The following WWOX variants were observed in gnomAD, a reference collection of about 807,000 sequenced individuals.
The protein encoded by WWOX is WW domain-containing oxidoreductase.
A neutral mutation model predicts 46.2 loss-of-function variants in WWOX; 69 were observed. The ratio of observed to expected loss-of-function variants is 1.49; its 90% CI spans 1.23 to 1.82. WWOX has a LOEUF of 1.82. Ranked by LOEUF, WWOX falls within the 40% of genes most tolerant of loss-of-function variation. WWOX has a pLI of 0.00. For missense variants in WWOX, 919 were observed against 542.6 expected (o/e 1.69, Z -6.89); for synonymous variants, 359 against 202.6 (o/e 1.77, Z -6.56).
intron 8 of WWOX, among the ~76,000 whole-genome samples, chr16:78,913,539 A>C (rs2045166761): frequency 6.6e-6 from 1 of 152,084 alleles, no homozygotes; most frequent in Non-Finnish European, 1.5e-5. Context: ...TTCACCACCC[A>C]GAGCAAAGTC....
chr16:78,753,995 G>A (rs547104255), intron 8 of WWOX, among the ~76,000 whole-genome samples: 2 of 151,212 alleles, frequency 1.3e-5, no homozygotes, highest in South Asian at 2.1e-4. Flanking sequence ...AAAGAGATAT[G>A]CCAAAGAGAA....
intron 8 of WWOX, among the ~76,000 whole-genome samples, chr16:78,602,743 G>T (rs189965416): frequency 5.0e-4 from 76 of 152,198 alleles, no homozygotes; most frequent in Non-Finnish European, 9.1e-4. Context: ...ACTGTATGCT[G>T]GGCACTGCAC....
chr16:78,736,986 A>G (rs16948400), intron 8 of WWOX, among the ~76,000 whole-genome samples: 22,888 of 152,112 alleles, frequency 0.15, 2,095 homozygotes, highest in African/African-American at 0.25. Flanking sequence ...AGATTCCAAT[A>G]AAGAGACTAG....
At chr16:78,849,045 T>TG (rs1437862968) in intron 8 of WWOX, among the ~76,000 whole-genome samples, 1 of 152,174 alleles carries the variant, frequency 6.6e-6, no homozygotes, top group East Asian at 1.9e-4. Context: ...CAGACTGCCA[T>TG]GGGCATGATC....
At chr16:78,817,152 T>A (rs1271534411) in intron 8 of WWOX, among the ~76,000 whole-genome samples, 1 of 145,308 alleles carries the variant, frequency 6.9e-6, no homozygotes, top group East Asian at 2.0e-4. Flanking sequence ...TGCCAGTTTT[T>A]CTTAAACATT....
At chr16:78,896,727 G>A (rs2151235638) in intron 8 of WWOX, 1 of 150,768 alleles carries the variant, frequency 6.6e-6, no homozygotes, top group East Asian at 1.9e-4. Flanking sequence ...TATAAAATTG[G>A]GCCTGTGGAA....
intron 8 of WWOX, among the ~76,000 whole-genome samples, chr16:78,515,903 A>G (rs2043225061): frequency 6.6e-6 from 1 of 152,140 alleles, no homozygotes; most frequent in Non-Finnish European, 1.5e-5. Context: ...TCTTTGGCCC[A>G]TGTGAAATTT....
At chr16:78,927,927 A>T (rs1343013201) in intron 8 of WWOX, among the ~76,000 whole-genome samples, 3 of 152,162 alleles carry the variant, frequency 2.0e-5, no homozygotes, top group African/African-American at 7.2e-5. Flanking sequence ...CCTTTTGCTT[A>T]AGTTTGCAGA....
chr16:78,717,114 C>T (rs1294343276), intron 8 of WWOX, among the ~76,000 whole-genome samples: 1 of 152,190 alleles, frequency 6.6e-6, no homozygotes, highest in East Asian at 1.9e-4. Context: ...CAAGAGATGG[C>T]TGTAAGCTCC....
intron 8 of WWOX, among the ~76,000 whole-genome samples, chr16:78,972,970 G>A (rs949181394): frequency 6.6e-6 from 1 of 152,090 alleles, no homozygotes; most frequent in East Asian, 1.9e-4. Flanking sequence ...CAAGAGGCCC[G>A]TAATTGATTC....
At chr16:78,969,729 A>T (rs990573546) in intron 8 of WWOX, among the ~76,000 whole-genome samples, 44 of 152,328 alleles carry the variant, frequency 2.9e-4, no homozygotes, top group African/African-American at 1.0e-3. Context: ...CATTGTACTA[A>T]TCAAAAAAGC....
At chr16:79,017,865 T>C (rs370014694) in intron 8 of WWOX, among the ~76,000 whole-genome samples, 3 of 152,244 alleles carry the variant, frequency 2.0e-5, no homozygotes, top group South Asian at 4.1e-4. Context: ...GGATTTGTCC[T>C]GTGGACTGTA....
chr16:78,828,908 C>A (rs967399695), intron 8 of WWOX, among the ~76,000 whole-genome samples: 1 of 152,124 alleles, frequency 6.6e-6, no homozygotes, highest in Non-Finnish European at 1.5e-5. Context: ...GTAGTTTTCC[C>A]CCTTTTAGAG....
rs1490321570 is a variant in WWOX, at chr16:78,179,571, G to T, written c.516+15282G>T. On this transcript the variant is annotated intron_variant, in intron 5 of 8. Transcript: ENST00000566780. ...TTATTAAATTCTTATTTTTATGGTA[G>T]TGATGATGATGATAATAATAATAAT... is the stretch of plus-strand genomic sequence containing the variant. The T allele has an allele frequency of 3.3e-5, 5 of 152,284 alleles. No individual in the cohort carries two copies. In the East Asian group the frequency reaches 9.6e-4, roughly 29 times the overall value. 9.4% of individuals were successfully genotyped at this position (152,284 alleles called of 1,614,324 possible). A position where few individuals can be genotyped will look rare whatever the true frequency, so the allele number is the denominator to read the frequency against.
intron 8 of WWOX, among the ~76,000 whole-genome samples, chr16:78,861,114 A>G (rs984264964): frequency 2.6e-5 from 4 of 152,050 alleles, no homozygotes; most frequent in African/African-American, 7.2e-5. Context: ...GCCACTGTGC[A>G]CAGCCTCAGA....
chr16:78,607,255 A>G (rs1206801120), intron 8 of WWOX, among the ~76,000 whole-genome samples: 1 of 152,198 alleles, frequency 6.6e-6, no homozygotes, highest in East Asian at 1.9e-4. Context: ...TTCAAATACA[A>G]TATTTAATAA....
At chr16:79,161,011 A>T (rs141991862) in intron 8 of WWOX, among the ~76,000 whole-genome samples, 64 of 152,318 alleles carry the variant, frequency 4.2e-4, no homozygotes, top group African/African-American at 1.5e-3. Flanking sequence ...TGCTGGGATT[A>T]TACTACAATT....
At chr16:79,185,774 C>T (rs1038559579) in intron 8 of WWOX, among the ~76,000 whole-genome samples, 10 of 152,064 alleles carry the variant, frequency 6.6e-5, no homozygotes, top group Admixed American at 1.3e-4. Context: ...TGAGGATAAA[C>T]GAGAGGGTGT....
At chr16:78,833,760 A>G (rs975049975) in intron 8 of WWOX, among the ~76,000 whole-genome samples, 12 of 152,234 alleles carry the variant, frequency 7.9e-5, no homozygotes, top group African/African-American at 2.4e-4. Context: ...CATTTTGCTG[A>G]TGAGGAAACT....
Sources: allele counts gnomAD v4.1 joint callset (sites outside exome capture counted in the v4.1 genomes callset), GRCh38; gene constraint gnomAD v4.1.1; transcripts MANE v1.5; gene names NCBI Gene and HGNC (gene_info 2026-07-23, HGNC 2026-07-21).